The following ROCK2 variants were observed in gnomAD, a reference collection of about 807,000 sequenced individuals.
ROCK2 encodes the protein rho-associated protein kinase 2.
ROCK2 carries 61 observed loss-of-function variants against 195.1 expected under a neutral mutation model. That is an observed-to-expected ratio of 0.31 (90% CI 0.25 to 0.39). The LOEUF is 0.39. Ranked by LOEUF, ROCK2 falls within the 10% of genes least tolerant of loss-of-function variation. The pLI is 1.00. For synonymous variants in ROCK2, 504 were observed against 545.5 expected (o/e 0.92, Z 1.06); for missense variants, 1,109 against 1,637.4 (o/e 0.68, Z 5.57).
chr2:11,208,342 T>A lies in ROCK2; in HGVS notation c.2309A>T (p.Gln770Leu), dbSNP rs769698930. 2 of 1,516,392 alleles carry A rather than the reference T, an allele frequency of 1.3e-6. No individual in the cohort carries two copies. Among genetic ancestry groups the A allele is most frequent in the Non-Finnish European group, 1.8e-6 (2 of 1,120,876 alleles). The allele number at this position is 1,516,392 out of a possible 1,614,324, so 93.9% of individuals were successfully genotyped here. ...RCSLLDCDLK[Q>L]SQQKINELLK... is the part of the protein sequence containing the mutation. ...GAGCTCATTTATTTTCTGCTGTGACTGTTTGAGGTCACAGTCTAATAGAGA... is the reference window on the plus strand; with the variant it reads ...GAGCTCATTTATTTTCTGCTGTGACAGTTTGAGGTCACAGTCTAATAGAGA... The change falls in exon 19 of 33, where the codon CAG becomes CTG. Residue 770 changes from glutamine to leucine, a missense_variant. Gln to Leu is a moderately radical substitution (Grantham distance 113, BLOSUM62 -2). Transcript: ENST00000315872.
intron 3 of ROCK2, among the ~76,000 whole-genome samples, chr2:11,281,278 A>T (rs1250454655): frequency 6.6e-6 from 1 of 152,078 alleles, no homozygotes; most frequent in Non-Finnish European, 1.5e-5. Flanking sequence ...ATATCTATAA[A>T]AAATCCACAG....
chr2:11,308,583 A>C, intron 1 of ROCK2: 2 of 1,496,406 alleles, frequency 1.3e-6, no homozygotes, highest in South Asian at 1.1e-5. Flanking sequence ...ATCAATCCCT[A>C]TATTACAGTT....
At position 11,183,454 on chromosome 2, in the gene ROCK2, A is replaced by G; in HGVS notation, c.4164-14T>C. ...GAAGGCAGTTAGCTGAAAAGAAAGG[A>G]AAAATAAAGTTAGTTGATACAGTGA... On this transcript the variant is annotated splice_polypyrimidine_tract_variant and intron_variant, in intron 32 of 32. Transcript: ENST00000315872. 6.3e-7 allele frequency: 1 copy of G among 1,575,490 alleles called. No homozygotes were observed. The highest frequency in any genetic ancestry group is 8.7e-7 in the Non-Finnish European group (1 of 1,151,074).
intron 4 of ROCK2, among the ~76,000 whole-genome samples, chr2:11,241,452 T>TA (rs1364747339): frequency 6.6e-6 from 1 of 152,126 alleles, no homozygotes; most frequent in Non-Finnish European, 1.5e-5. Flanking sequence ...GATAATGGCC[T>TA]AACTACCTCC....
chr2:11,316,105 A>C (rs1030826459), intron 1 of ROCK2, among the ~76,000 whole-genome samples: 1 of 152,154 alleles, frequency 6.6e-6, no homozygotes, highest in African/African-American at 2.4e-5. Context: ...ACTACTCAAT[A>C]CAACTACCCT....
chr2:11,330,844 A>G (rs986034921), intron 1 of ROCK2, among the ~76,000 whole-genome samples: 1 of 15,914 alleles, frequency 6.3e-5, no homozygotes, highest in Non-Finnish European at 1.3e-4. Flanking sequence ...AAGAGGGAGG[A>G]GGAGGGGGAG....
intron 1 of ROCK2, among the ~76,000 whole-genome samples, chr2:11,341,075 C>T (rs2148281587): frequency 1.6e-5 from 1 of 61,248 alleles, no homozygotes; most frequent in South Asian, 8.0e-4. Context: ...ACTGAAGACT[C>T]GCCTCCAAAA....
chr2:11,250,691 C>G (rs1286815204), intron 3 of ROCK2, among the ~76,000 whole-genome samples: 1 of 152,162 alleles, frequency 6.6e-6, no homozygotes, highest in Non-Finnish European at 1.5e-5. Context: ...ACCTCTTTTT[C>G]TCTCAAACAA....
rs922490189 is a variant in ROCK2 at position 11,319,747 on chromosome 2, T to C, written c.141+24249A>G. Among the ~76,000 whole-genome samples, 7 of 152,112 alleles carry C rather than the reference T, an allele frequency of 4.6e-5. No homozygotes were observed. In the South Asian group the frequency reaches 1.5e-3, roughly 32 times the overall value. On this transcript the variant is annotated intron_variant, in intron 1 of 32. Transcript: ENST00000315872. ...ATATTGGCTGTGGGTTTGTCATAAA[T>C]AGCTCTTATTATTTTTAGATACGTC...
intron 23 of ROCK2, among the ~76,000 whole-genome samples, chr2:11,199,338 G>A (rs536397820): frequency 1.3e-5 from 2 of 150,892 alleles, no homozygotes; most frequent in Admixed American, 1.3e-4. Context: ...TTGGAGACAA[G>A]GTCTCAAGCT....
At chr2:11,240,216 A>G (rs187621759) in intron 4 of ROCK2, among the ~76,000 whole-genome samples, 7 of 152,284 alleles carry the variant, frequency 4.6e-5, no homozygotes, top group Middle Eastern at 3.4e-3. Flanking sequence ...TGGCAGCTAA[A>G]AGCCTTAATC....
At chr2:11,296,131 C>T (rs1025070530) in intron 1 of ROCK2, among the ~76,000 whole-genome samples, 9 of 150,568 alleles carry the variant, frequency 6.0e-5, no homozygotes, top group Non-Finnish European at 1.2e-4. Context: ...GGAGGAACAA[C>T]TTTTCCTATA....
At chr2:11,187,037 G>T (rs1663225531) in intron 32 of ROCK2, among the ~76,000 whole-genome samples, 1 of 152,170 alleles carries the variant, frequency 6.6e-6, no homozygotes, top group South Asian at 2.1e-4. Context: ...AGATGCTTTG[G>T]AAAGAGTGCA....
intron 17 of ROCK2, among the ~76,000 whole-genome samples, chr2:11,213,063 C>G (rs1235373820): frequency 6.6e-6 from 1 of 152,188 alleles, no homozygotes; most frequent in Non-Finnish European, 1.5e-5. Context: ...TATGCCATAT[C>G]TAATCAACTA....
intron 1 of ROCK2, among the ~76,000 whole-genome samples, chr2:11,336,466 G>A (rs1332288698): frequency 2.0e-5 from 3 of 152,082 alleles, no homozygotes; most frequent in African/African-American, 7.2e-5. Flanking sequence ...GCCCAGGCTG[G>A]TCTCAAACTT....
At chr2:11,340,764 T>G (rs181913526) in intron 1 of ROCK2, among the ~76,000 whole-genome samples, 7 of 152,280 alleles carry the variant, frequency 4.6e-5, no homozygotes, top group African/African-American at 1.2e-4. Flanking sequence ...TCAATCAAAT[T>G]ATTTTATGTT....
chr2:11,287,878 T>A (rs1036866059), intron 1 of ROCK2, 142 bp from the exon 2 acceptor site: 1 of 380,102 alleles, frequency 2.6e-6, no homozygotes. Flanking sequence ...AAGTTCCATA[T>A]CCAACAGCTT....
intron 1 of ROCK2, among the ~76,000 whole-genome samples, chr2:11,306,986 C>T (rs1343425745): frequency 6.6e-6 from 1 of 152,102 alleles, no homozygotes; most frequent in Non-Finnish European, 1.5e-5. Context: ...AACTAATATT[C>T]TAATAAAGTC....
At chr2:11,222,306 A>G in intron 7 of ROCK2, 132 bp from the exon 8 acceptor site, 1 of 555,974 alleles carries the variant, frequency 1.8e-6, no homozygotes, top group Non-Finnish European at 3.1e-6. Flanking sequence ...TTCAGCTTAA[A>G]TGTTTCTCAA....
Sources: allele counts gnomAD v4.1 joint callset (sites outside exome capture counted in the v4.1 genomes callset), GRCh38; gene constraint gnomAD v4.1.1; transcripts MANE v1.5; gene names NCBI Gene and HGNC (gene_info 2026-07-23, HGNC 2026-07-21).